MTAP: variants seen among roughly 807,000 people sequenced by gnomAD.
MTAP encodes the protein S-methyl-5'-thioadenosine phosphorylase.
A neutral mutation model predicts 33.6 loss-of-function variants in MTAP; 33 were observed. The ratio of observed to expected loss-of-function variants is 0.98; its 90% CI spans 0.74 to 1.31. The LOEUF is 1.31. Ranked by LOEUF, MTAP falls within the 40% of genes most tolerant of loss-of-function variation. The pLI is 0.00. For missense variants in MTAP, 367 were observed against 360.0 expected (o/e 1.02, Z -0.16); for synonymous variants, 148 against 125.7 (o/e 1.18, Z -1.19).
intron 6 of MTAP, among the ~76,000 whole-genome samples, chr9:21,857,999 C>T (rs993955326): frequency 6.6e-6 from 1 of 152,062 alleles, no homozygotes; most frequent in Non-Finnish European, 1.5e-5. Flanking sequence ...CTTAAGGTAG[C>T]ATTTTATTTT....
chr9:21,822,900 T>C (rs1204456204), intron 4 of MTAP, among the ~76,000 whole-genome samples: 1 of 152,204 alleles, frequency 6.6e-6, no homozygotes, highest in Admixed American at 6.5e-5. Context: ...CTTTGTCTCT[T>C]TTGATCTTTG....
intron 1 of MTAP, among the ~76,000 whole-genome samples, chr9:21,910,567 A>C (rs1406925926): frequency 6.6e-6 from 1 of 152,200 alleles, no homozygotes; most frequent in Non-Finnish European, 1.5e-5. Context: ...AGTGTATGGA[A>C]GTAAATGATC....
At chr9:21,926,919 C>A (rs4977747) in intron 1 of MTAP, among the ~76,000 whole-genome samples, 48,536 of 151,678 alleles carry the variant, frequency 0.32, 9,312 homozygotes, top group African/African-American at 0.52. Context: ...AATACCTACC[C>A]CAACCACCTA....
At chr9:21,820,562 A>G (rs1173669574) in intron 4 of MTAP, among the ~76,000 whole-genome samples, 7 of 152,170 alleles carry the variant, frequency 4.6e-5, no homozygotes, top group Non-Finnish European at 2.9e-5. Flanking sequence ...TGTAGTTTGA[A>G]GTCAGGTAGT....
At chr9:21,914,658 AT>A (rs1165718136) in intron 1 of MTAP, among the ~76,000 whole-genome samples, 12 of 151,716 alleles carry the variant, frequency 7.9e-5, no homozygotes, top group African/African-American at 2.9e-4. Flanking sequence ...GAGGGTTAGC[AT>A]TTGGAGACAT....
intron 1 of MTAP, among the ~76,000 whole-genome samples, chr9:21,879,561 A>T (rs1385595200): frequency 6.6e-6 from 1 of 152,066 alleles, no homozygotes; most frequent in Non-Finnish European, 1.5e-5. Flanking sequence ...ATTCAAGGTT[A>T]GTATCAATAT....
At position 21,816,858 on chromosome 9, in the gene MTAP, C is replaced by G. The variant is rs144995988; in HGVS notation, c.179+86C>G. On this transcript the variant is annotated intron_variant, in intron 3 of 7. Transcript: ENST00000644715. ...TTCTGGAAAGAGTAAAGATACAGGT[C>G]TGAGCTTTTATATGTTGGCAGAATC... The G allele has an allele frequency of 2.7e-4, 305 of 1,136,318 alleles. 1 individual carries two copies. The African/African-American group carries it at 3.0e-3, about 11-fold the overall frequency. 70.4% of individuals were successfully genotyped at this position (1,136,318 alleles called of 1,614,324 possible). A position where few individuals can be genotyped will look rare whatever the true frequency, so the allele number is the denominator to read the frequency against.
intron 5 of MTAP, among the ~76,000 whole-genome samples, chr9:21,844,785 A>C (rs1825335282): frequency 6.6e-6 from 1 of 152,238 alleles, no homozygotes; most frequent in African/African-American, 2.4e-5. Flanking sequence ...CTGTAATCCC[A>C]GCACTTTGGG....
chr9:21,932,332 T>G (rs369644377), downstream of MTAP: 5 of 152,190 alleles, frequency 3.3e-5, no homozygotes, highest in African/African-American at 1.2e-4. Flanking sequence ...GCAAAGCTGA[T>G]GAGAGGCCAC....
chr9:21,805,432 C>A (rs1360672933), intron 1 of MTAP, among the ~76,000 whole-genome samples: 1 of 152,160 alleles, frequency 6.6e-6, no homozygotes, highest in African/African-American at 2.4e-5. Context: ...AGTTTATATT[C>A]TAGTCAGGGT....
At chr9:21,852,426 C>T (rs952506968) in intron 5 of MTAP, among the ~76,000 whole-genome samples, 5 of 150,280 alleles carry the variant, frequency 3.3e-5, no homozygotes, top group Admixed American at 2.7e-4. Context: ...CAGAGAACTG[C>T]TTGAACCCGT....
At chr9:21,924,569 A>T (rs1466461950) in intron 1 of MTAP, among the ~76,000 whole-genome samples, 2 of 152,244 alleles carry the variant, frequency 1.3e-5, no homozygotes, top group African/African-American at 4.8e-5. Context: ...TGATCCAGTG[A>T]TGATAGCAGC....
intron 6 of MTAP, among the ~76,000 whole-genome samples, chr9:21,856,567 G>C (rs1825648482): frequency 6.6e-6 from 1 of 152,184 alleles, no homozygotes; most frequent in Non-Finnish European, 1.5e-5. Context: ...CTTCCTGCCT[G>C]TGGCTTTCTG....
intron 1 of MTAP, among the ~76,000 whole-genome samples, chr9:21,881,768 C>T (rs934758181): frequency 3.3e-5 from 5 of 151,912 alleles, no homozygotes; most frequent in Non-Finnish European, 7.4e-5. Flanking sequence ...CCCTTCCACA[C>T]TTTTATTGGG....
In MTAP at chr9:21,864,420, G is replaced by T; in HGVS notation, c.*2406G>T. 6 of 985,196 alleles carry T rather than the reference G, an allele frequency of 6.1e-6. No individual in the cohort carries two copies. The highest frequency in any genetic ancestry group is 7.2e-6 in the Non-Finnish European group (6 of 829,918). 61.0% of individuals were successfully genotyped at this position (985,196 alleles called of 1,614,324 possible). ...GTCAGTTGTGAGCATTTTGGTTTCC[G>T]CAAAGGATGGATGGTGAGCATCATG... On this transcript the variant is annotated 3_prime_UTR_variant, in exon 8 of 8. Coordinates refer to ENST00000644715, the MANE Select transcript of MTAP (RefSeq NM_002451.4).
At chr9:21,826,287 T>G (rs567825082) in intron 4 of MTAP, among the ~76,000 whole-genome samples, 46 of 152,034 alleles carry the variant, frequency 3.0e-4, no homozygotes, top group Admixed American at 2.4e-3. Flanking sequence ...TTTTTAATAG[T>G]TGGTTTGTTC....
chr9:21,806,651 G>T (rs1824216646), intron 1 of MTAP, among the ~76,000 whole-genome samples: 1 of 152,140 alleles, frequency 6.6e-6, no homozygotes, highest in African/African-American at 2.4e-5. Flanking sequence ...GGTAGCCATG[G>T]AGAGAGGCAG....
intron 1 of MTAP, among the ~76,000 whole-genome samples, chr9:21,911,049 G>T (rs1465792665): frequency 2.6e-5 from 4 of 152,204 alleles, no homozygotes; most frequent in Admixed American, 6.5e-5. Flanking sequence ...ATTACATAAT[G>T]GTAAAGGGAT....
intron 1 of MTAP, among the ~76,000 whole-genome samples, chr9:21,894,504 A>AG (rs890047971): frequency 6.7e-6 from 1 of 150,180 alleles, no homozygotes; most frequent in Middle Eastern, 3.2e-3. Context: ...AAGACTCCAT[A>AG]GTGAACACTG....
Sources: gnomAD v4.1 joint callset for allele counts (sites outside exome capture counted in the v4.1 genomes callset) on GRCh38, gnomAD v4.1.1 for gene constraint, MANE v1.5 for transcripts, NCBI Gene and HGNC (gene_info 2026-07-23, HGNC 2026-07-21) for gene names.